NCOA7: variants seen among roughly 807,000 people sequenced by gnomAD.
The protein encoded by NCOA7 is nuclear receptor coactivator 7, also known as 140 kDa estrogen receptor-associated protein.
A neutral mutation model predicts 104.3 loss-of-function variants in NCOA7; 45 were observed. The ratio of observed to expected loss-of-function variants is 0.43; its 90% confidence interval spans 0.34 to 0.55. NCOA7 has a LOEUF of 0.55. NCOA7 is among the 20% of genes least tolerant of loss of function. The probability of loss-of-function intolerance (pLI) is 0.02; values close to 1 mark genes in which losing one functional copy is unlikely to be tolerated. For missense variants in NCOA7, 1,041 were observed against 1,119.7 expected (o/e 0.93, Z 1.00); for synonymous variants, 398 against 402.3 (o/e 0.99, Z 0.13).
At chr6:125,784,131 A>G (rs1427570423) in intron 1 of NCOA7, among the ~76,000 whole-genome samples, 1 of 152,244 alleles carries the variant, frequency 6.6e-6, no homozygotes. Flanking sequence ...CATCCAATTC[A>G]TATTCAACTA....
chr6:125,872,875 AT>A (rs1428718510), intron 3 of NCOA7, among the ~76,000 whole-genome samples: 1 of 152,176 alleles, frequency 6.6e-6, no homozygotes, highest in Non-Finnish European at 1.5e-5. Flanking sequence ...CAGGGAGATC[AT>A]TTTTTATAGT....
chr6:125,871,252 A>C (rs1206566558), intron 3 of NCOA7, among the ~76,000 whole-genome samples: 2 of 152,158 alleles, frequency 1.3e-5, no homozygotes, highest in African/African-American at 4.8e-5. Context: ...TGGGATGGGT[A>C]TGGATCCTTA....
rs1788324434 is a variant in NCOA7, at chr6:125,929,424, T to G, written c.*653T>G. The G allele has an allele frequency of 6.8e-6, 1 of 147,454 alleles. No individual in the cohort carries two copies. The highest frequency in any genetic ancestry group is 2.1e-4 in the South Asian group (1 of 4,752). 9.1% of individuals were successfully genotyped at this position (147,454 alleles called of 1,614,324 possible). On this transcript the variant is annotated 3_prime_UTR_variant, in exon 16 of 16. Coordinates refer to ENST00000392477, the MANE Select transcript of NCOA7 (RefSeq NM_181782.5). ...TTATATTGAATTTTTTTTGCCCTGATTGTTTAGGGTGATAGGTCTTAAGCA... is the reference window on the plus strand; with the variant it reads ...TTATATTGAATTTTTTTTGCCCTGAGTGTTTAGGGTGATAGGTCTTAAGCA...
chr6:125,832,710 G>T (rs1346027057), intron 2 of NCOA7, among the ~76,000 whole-genome samples: 1 of 152,226 alleles, frequency 6.6e-6, no homozygotes, highest in Non-Finnish European at 1.5e-5. Context: ...GCTTTGGCTG[G>T]TGGGCTGTTC....
intron 2 of NCOA7, among the ~76,000 whole-genome samples, chr6:125,836,500 CAT>C (rs1779618532): frequency 6.6e-6 from 1 of 152,134 alleles, no homozygotes; most frequent in South Asian, 2.1e-4. Flanking sequence ...TAGTTAAAAA[CAT>C]ATTTATTTTC....
chr6:125,875,034 G>A, intron 4 of NCOA7, 66 bp downstream of exon 4: 1 of 1,219,966 alleles, frequency 8.2e-7, no homozygotes, highest in African/African-American at 1.5e-5. Flanking sequence ...GGTTTTCCCT[G>A]ACACATCCTG....
At chr6:125,877,592 C>T (rs138555742) in intron 4 of NCOA7, among the ~76,000 whole-genome samples, 477 of 152,236 alleles carry the variant, frequency 3.1e-3, no homozygotes, top group Middle Eastern at 0.02. Context: ...TCCTGTTCCT[C>T]CTCAGAAGGA....
intron 4 of NCOA7, among the ~76,000 whole-genome samples, chr6:125,878,004 G>C (rs545683985): frequency 1.4e-4 from 21 of 152,230 alleles, no homozygotes; most frequent in African/African-American, 4.8e-4. Flanking sequence ...ATGCGCCTCA[G>C]TTGCACCAAA....
At chr6:125,920,686 G>A (rs1430954750) in intron 11 of NCOA7, among the ~76,000 whole-genome samples, 1 of 152,172 alleles carries the variant, frequency 6.6e-6, no homozygotes, top group African/African-American at 2.4e-5. Flanking sequence ...TGGGCATACA[G>A]GCATGAGCCA....
At chr6:125,894,683 C>A (rs1289519444) in intron 10 of NCOA7, among the ~76,000 whole-genome samples, 1 of 151,890 alleles carries the variant, frequency 6.6e-6, no homozygotes, top group Non-Finnish European at 1.5e-5. Flanking sequence ...AGTGAAGGAG[C>A]TGAAATGAAC....
chr6:125,922,307 A>T (rs1283309570), intron 12 of NCOA7, among the ~76,000 whole-genome samples: 1 of 152,118 alleles, frequency 6.6e-6, no homozygotes, highest in African/African-American at 2.4e-5. Flanking sequence ...TGAGCCTCTG[A>T]GTGTTTAGAA....
At chr6:125,868,973 G>T (rs1782655826) in intron 3 of NCOA7, among the ~76,000 whole-genome samples, 1 of 152,182 alleles carries the variant, frequency 6.6e-6, no homozygotes, top group African/African-American at 2.4e-5. Context: ...ATGCAGAACT[G>T]GTCCTGATAT....
intron 1 of NCOA7, among the ~76,000 whole-genome samples, chr6:125,783,531 C>A (rs1213363934): frequency 6.6e-6 from 1 of 152,044 alleles, no homozygotes; most frequent in East Asian, 1.9e-4. Context: ...GACTCATATT[C>A]TTTTTTCTGT....
chr6:125,842,947 T>G (rs1780299513), intron 2 of NCOA7, among the ~76,000 whole-genome samples: 1 of 152,224 alleles, frequency 6.6e-6, no homozygotes, highest in Admixed American at 6.5e-5. Flanking sequence ...AGTAATGATT[T>G]AGACATAGAC....
intron 13 of NCOA7, among the ~76,000 whole-genome samples, chr6:125,927,315 A>C (rs1583569796): frequency 6.6e-6 from 1 of 152,332 alleles, no homozygotes; most frequent in South Asian, 2.1e-4. Context: ...CTTGTGGCTT[A>C]ATGTTTCTAT....
chr6:125,785,831 A>C (rs748305094), intron 1 of NCOA7, among the ~76,000 whole-genome samples: 16 of 152,244 alleles, frequency 1.1e-4, no homozygotes, highest in Non-Finnish European at 2.4e-4. Context: ...ATAATCAGCC[A>C]TAAGTATGAC....
intron 10 of NCOA7, among the ~76,000 whole-genome samples, chr6:125,903,243 A>AT (rs989267333): frequency 6.6e-6 from 1 of 152,182 alleles, no homozygotes; most frequent in Non-Finnish European, 1.5e-5. Context: ...TGAGGGCCAG[A>AT]TTTTAGATGG....
chr6:125,845,905 T>C (rs1404833655), intron 2 of NCOA7, among the ~76,000 whole-genome samples: 11 of 152,188 alleles, frequency 7.2e-5, no homozygotes, highest in Non-Finnish European at 1.3e-4. Context: ...TGTTGTTTTT[T>C]CCACAAAAAT....
chr6:125,786,612 C>G (rs1054523019), upstream of NCOA7, among the ~76,000 whole-genome samples: 1 of 147,944 alleles, frequency 6.8e-6, no homozygotes, highest in African/African-American at 2.5e-5. Context: ...AGTCCGGCTC[C>G]GTCGCCCAGG....
Sources: gnomAD v4.1 joint callset for allele counts (sites outside exome capture counted in the v4.1 genomes callset) on GRCh38, gnomAD v4.1.1 for gene constraint, MANE v1.5 for transcripts, NCBI Gene and HGNC (gene_info 2026-07-23, HGNC 2026-07-21) for gene names.